PRKAG1: variants seen among roughly 807,000 people sequenced by gnomAD.
PRKAG1 encodes the protein protein kinase AMP-activated non-catalytic subunit gamma 1.
In PRKAG1, 27 loss-of-function variants were observed where a neutral mutation model predicts 48.2. That is an observed-to-expected ratio of 0.56 (90% CI 0.41 to 0.77). The LOEUF (loss-of-function observed/expected upper bound fraction) is 0.77. Ranked by LOEUF, PRKAG1 falls within the 30% of genes least tolerant of loss-of-function variation. The pLI, the probability that PRKAG1 is intolerant of heterozygous loss-of-function variation, is 0.00. For synonymous variants in PRKAG1, 130 were observed against 147.7 expected, an observed-to-expected ratio of 0.88 and a Z score of 0.87; for missense variants, 287 against 398.3, an observed-to-expected ratio of 0.72 and a Z score of 2.38.
At chr12:49,013,022 A>G (rs1363951945) in intron 2 of PRKAG1, 40 bp downstream of exon 2, 2 of 1,558,936 alleles carry the variant, frequency 1.3e-6, no homozygotes, top group East Asian at 2.2e-5. Context: ...GGGTCAGGCT[A>G]TTGTTTTCAT....
intron 1 of PRKAG1, chr12:49,017,399 A>G: frequency 2.9e-6 from 1 of 349,886 alleles, no homozygotes; most frequent in Non-Finnish European, 5.6e-6. Flanking sequence ...TTCTGTCGAG[A>G]CAGGCTTTCA....
chr12:49,005,031 G>A lies in PRKAG1; in HGVS notation c.356-13C>T. 6.2e-7 allele frequency: 1 copy of A among 1,613,898 alleles called. No individual in the cohort carries two copies. The highest frequency in any genetic ancestry group is 1.1e-5 in the South Asian group (1 of 90,972). Reference sequence around the variant, plus strand: ...TGGAGATACACCTCTGAAGGGAAAAGGGATGGGTCACAAAATACCACCATG... The same window carrying A: ...TGGAGATACACCTCTGAAGGGAAAAAGGATGGGTCACAAAATACCACCATG... On this transcript the variant is annotated splice_polypyrimidine_tract_variant and intron_variant, in intron 6 of 11. Coordinates refer to ENST00000548065, the MANE Select transcript of PRKAG1 (RefSeq NM_002733.5). This position sits in a 1 kb window ranked among gnomAD's most constrained non-coding sequence, Gnocchi z 4.1.
intron 2 of PRKAG1, among the ~76,000 whole-genome samples, chr12:49,007,123 A>T (rs1941571027): frequency 6.6e-6 from 1 of 151,684 alleles, no homozygotes; most frequent in African/African-American, 2.4e-5. Context: ...CGTCTCTACT[A>T]AAAAAATATA....
Position 49,005,750 on chromosome 12 carries a change from G to GACGT in PRKAG1, c.157_160dup (p.Ser54TyrfsTer15). On this transcript the variant is annotated frameshift_variant, in exon 3 of 12. Coordinates refer to ENST00000548065, the MANE Select transcript of PRKAG1 (RefSeq NM_002733.5). LOFTEE classifies it high-confidence loss of function. The surrounding 1 kb of genome is among the most constrained non-coding windows in gnomAD (Gnocchi z 4.1). ...AAAGAGGATTTCACCCACCTGCAGG[G>GACGT]ACGTATCAAATACAACCAATTTGGA... The GACGT allele has an allele frequency of 6.2e-7, 1 of 1,613,466 alleles. No individual in the cohort carries two copies. Among genetic ancestry groups the GACGT allele is most frequent in the Non-Finnish European group, 8.5e-7 (1 of 1,179,400 alleles).
chr12:49,011,556 T>C (rs1592281462), intron 2 of PRKAG1, among the ~76,000 whole-genome samples: 1 of 141,958 alleles, frequency 7.0e-6, no homozygotes, highest in Non-Finnish European at 1.6e-5. Context: ...AGTTGTCGCC[T>C]TTTTTTTTTT....
In PRKAG1 at chr12:49,002,803, T is replaced by C; in HGVS notation, c.*96A>G. 3.4e-6 allele frequency: 4 copies of C among 1,191,614 alleles called. No individual in the cohort carries two copies. Among genetic ancestry groups the C allele is most frequent in the Non-Finnish European group, 4.9e-6 (4 of 822,150 alleles). 73.8% of individuals were successfully genotyped at this position (1,191,614 alleles called of 1,614,324 possible). ...AGGGGACCCTGAACAGGGAACAGAG[T>C]CACAATTCCCTCAAGTTTCATCTGA... is the stretch of plus-strand genomic sequence containing the variant. On this transcript the variant is annotated 3_prime_UTR_variant, in exon 12 of 12. Transcript: ENST00000548065.
In PRKAG1 at chr12:49,005,563, A is replaced by C; in HGVS notation, c.169-20T>G. On this transcript the variant is annotated intron_variant, in intron 3 of 11. Transcript: ENST00000548065. The surrounding 1 kb of genome is among the most constrained non-coding windows in gnomAD (Gnocchi z 4.1). The stretch of plus-strand genomic sequence containing the variant: ...CTTCACCTGTAGCCAAGACAGTAAT[A>C]ATCATAAAGGCAAATCCACAGGGGC... The C allele has an allele frequency of 6.2e-7, 1 of 1,614,212 alleles. No individual in the cohort carries two copies. The highest frequency in any genetic ancestry group is 8.5e-7 in the Non-Finnish European group (1 of 1,180,038).
intron 2 of PRKAG1, among the ~76,000 whole-genome samples, chr12:49,011,713 C>T: frequency 6.6e-6 from 1 of 150,806 alleles, no homozygotes; most frequent in South Asian, 2.1e-4. Context: ...TAGGCGCCCA[C>T]CATCAAGCCC....
intron 1 of PRKAG1, among the ~76,000 whole-genome samples, chr12:49,015,823 G>A (rs1226795973): frequency 1.3e-5 from 2 of 151,882 alleles, no homozygotes; most frequent in Admixed American, 1.3e-4. Context: ...TGATCCACCC[G>A]CCTCGGCCTC....
intron 8 of PRKAG1, 190 bp from the exon 9 acceptor site, chr12:49,004,112 A>G: frequency 1.4e-6 from 1 of 701,164 alleles, no homozygotes; most frequent in Non-Finnish European, 2.2e-6. Flanking sequence ...CAACATGGCA[A>G]AACCCTATCT....
In PRKAG1 at chr12:49,012,023, A is replaced by G. The variant is rs557231565; in HGVS notation, c.58+1039T>C. Reference sequence around the variant, plus strand: ...CAGGCATGCAGCTCCACGCCCAGCTAATTTTTTATTTTTAGTAGAGACAAG... The same window carrying G: ...CAGGCATGCAGCTCCACGCCCAGCTGATTTTTTATTTTTAGTAGAGACAAG... On this transcript the variant is annotated intron_variant, in intron 2 of 11. Coordinates refer to ENST00000548065, the MANE Select transcript of PRKAG1 (RefSeq NM_002733.5). Among the ~76,000 whole-genome samples the G allele has an allele frequency of 3.3e-5, 5 of 151,986 alleles. No individual in the cohort carries two copies. In the East Asian group the frequency reaches 9.7e-4, roughly 30 times the overall value.
intron 1 of PRKAG1, chr12:49,017,194 G>A (rs1942013611): frequency 4.4e-6 from 2 of 455,760 alleles, no homozygotes; most frequent in African/African-American, 2.0e-5. Flanking sequence ...CAAAGCAGGA[G>A]TTTTCTTTCT....
intron 1 of PRKAG1, chr12:49,016,899 C>T (rs1300306686): frequency 2.4e-5 from 8 of 339,770 alleles, no homozygotes; most frequent in African/African-American, 1.1e-4. Context: ...CTGATCTTAG[C>T]CTGCTTTTCC....
In PRKAG1 at chr12:49,005,602, A is replaced by G; in HGVS notation, c.169-59T>C. 1.9e-6 allele frequency: 3 copies of G among 1,613,850 alleles called. No individual in the cohort carries two copies. The highest frequency in any genetic ancestry group is 2.2e-5 in the East Asian group (1 of 44,890). On this transcript the variant is annotated intron_variant, in intron 3 of 11. Coordinates refer to ENST00000548065, the MANE Select transcript of PRKAG1 (RefSeq NM_002733.5). This position sits in a 1 kb window ranked among gnomAD's most constrained non-coding sequence, Gnocchi z 4.1. ...ATCCACAGGGGCAGGACTGTAAAAA[A>G]AGAACAGTGTTTGGGCATGTTGGGT...
intron 1 of PRKAG1, chr12:49,017,074 G>A (rs1942004402): frequency 8.9e-6 from 4 of 449,578 alleles, no homozygotes; most frequent in Non-Finnish European, 1.8e-5. Context: ...CAGCTATTCT[G>A]TCACAGTCCT....
Position 49,002,973 on chromosome 12 carries a change from C to T in PRKAG1, c.922G>A (p.Val308Met). 1.9e-6 allele frequency: 3 copies of T among 1,614,216 alleles called. No homozygotes were observed. The highest frequency in any genetic ancestry group is 2.5e-6 in the Non-Finnish European group (3 of 1,180,034). ...GACAGTGATACAATTCCCTTGACCA[C>T]ATCATTTTCATCCACCACTACAAGT... is the stretch of plus-strand genomic sequence containing the variant. ...HRLVVVDEND[V>M]VKGIVSLSDI... The change falls in exon 12 of 12, where the codon GTG (valine) becomes ATG (methionine). Residue 308 changes from valine to methionine, a missense_variant. Transcript: ENST00000548065.
Position 49,005,002 on chromosome 12 carries a change from G to A in PRKAG1, c.372C>T (p.Asp124=), listed in dbSNP as rs1206527527. The change falls in exon 7 of 12, where the codon GAC becomes GAT. Residue 124 remains aspartate, a synonymous_variant. Transcript: ENST00000548065. The surrounding 1 kb of genome is among the most constrained non-coding windows in gnomAD (Gnocchi z 4.1). ...IETWREVYLQ[D]SFKPLVCISP... is the part of the protein sequence containing the mutation. ...AAATGCAGACAAGCGGTTTAAAGGA[G>A]TCCTGGAGATACACCTCTGAAGGGA... 6 of 1,613,976 alleles carry A rather than the reference G, an allele frequency of 3.7e-6. No homozygotes were observed. In the East Asian group the frequency reaches 1.3e-4, roughly 36 times the overall value.
chr12:49,004,374 C>T (rs997081232), intron 8 of PRKAG1, 133 bp downstream of exon 8: 29 of 1,187,838 alleles, frequency 2.4e-5, no homozygotes, highest in African/African-American at 7.7e-5. Context: ...GAGGCTGAGG[C>T]GGGAGGATCA....
chr12:49,015,665 G>C (rs201132393), intron 1 of PRKAG1, among the ~76,000 whole-genome samples: 1 of 151,824 alleles, frequency 6.6e-6, no homozygotes, highest in Non-Finnish European at 1.5e-5. Context: ...CTCCGCCTCC[G>C]GGGTTCAAGC....
Sources: gnomAD v4.1 joint callset for allele counts (sites outside exome capture counted in the v4.1 genomes callset) on GRCh38, gnomAD v4.1.1 for gene constraint, Gnocchi (gnomAD v3.1) non-coding constraint, MANE v1.5 for transcripts, NCBI Gene and HGNC (gene_info 2026-07-23, HGNC 2026-07-21) for gene names.